The following CELA3B variants were observed in gnomAD, a reference collection of about 807,000 sequenced individuals.
The protein encoded by CELA3B is chymotrypsin like elastase 3B.
In CELA3B, 34 loss-of-function variants were observed where a neutral mutation model predicts 37.2. That is an observed-to-expected ratio of 0.91 (90% CI 0.70 to 1.22). The LOEUF is 1.22. CELA3B is among the 50% of genes most tolerant of loss of function. CELA3B has a pLI of 0.00. For synonymous variants in CELA3B, 127 were observed against 143.5 expected (o/e 0.89, Z 0.82); for missense variants, 340 against 363.1 (o/e 0.94, Z 0.52).
intron 3 of CELA3B, 28 bp from the exon 4 acceptor site, chr1:21,981,010 C>T (rs372368557): frequency 7.4e-6 from 12 of 1,614,084 alleles, no homozygotes; most frequent in South Asian, 1.1e-5. Context: ...GCCAGTCAGG[C>T]CCAGACTGAC....
chr1:21,982,789 T>C (rs984071383), intron 4 of CELA3B, among the ~76,000 whole-genome samples: 4 of 151,994 alleles, frequency 2.6e-5, no homozygotes, highest in Non-Finnish European at 5.9e-5. Context: ...ACCATTCTCC[T>C]GCCTCGGCCT....
chr1:21,978,304 A>G (rs1569832330), intron 1 of CELA3B, 65 bp from the exon 2 acceptor site: 6 of 1,586,364 alleles, frequency 3.8e-6, no homozygotes, highest in Non-Finnish European at 5.2e-6. Context: ...TTGGACTGGG[A>G]CCCTGGCCTC....
chr1:21,989,806 T>A (rs1442743793), downstream of CELA3B, among the ~76,000 whole-genome samples: 2 of 150,794 alleles, frequency 1.3e-5, no homozygotes, highest in Non-Finnish European at 2.9e-5. Flanking sequence ...TATTCCTTGT[T>A]TTAAAGGAGG....
chr1:21,982,647 T>C (rs1443325806), intron 4 of CELA3B, among the ~76,000 whole-genome samples: 1 of 151,936 alleles, frequency 6.6e-6, no homozygotes, highest in Non-Finnish European at 1.5e-5. Context: ...GCATCAGAAA[T>C]TGGGGTGGGA....
intron 2 of CELA3B, among the ~76,000 whole-genome samples, chr1:21,978,866 G>A (rs1644786916): frequency 6.6e-6 from 1 of 151,736 alleles, no homozygotes; most frequent in Admixed American, 6.6e-5. Context: ...GGCTGGACTT[G>A]ATGTGCTGTG....
chr1:21,978,540 T>C (rs1644785334), intron 2 of CELA3B, 86 bp downstream of exon 2: 1 of 1,483,556 alleles, frequency 6.7e-7, no homozygotes, highest in Non-Finnish European at 9.4e-7. Flanking sequence ...TTGACACCAT[T>C]GCTCCCTTTG....
At chr1:21,994,387 CCT>C (rs1644880786) in intron 4 of CELA3B, among the ~76,000 whole-genome samples, 1 of 151,098 alleles carries the variant, frequency 6.6e-6, no homozygotes, top group African/African-American at 2.5e-5. Context: ...ACCAGCATCT[CCT>C]CTCTCTGTCC....
chr1:21,981,760 C>T (rs1644806326), intron 4 of CELA3B, among the ~76,000 whole-genome samples: 1 of 149,900 alleles, frequency 6.7e-6, no homozygotes, highest in Admixed American at 6.7e-5. Context: ...CAGTCTCGCT[C>T]TGTCGCCCAG....
In CELA3B at chr1:21,995,673, C is replaced by T. The variant is rs565310472; in HGVS notation, c.505-2478C>T. Among the ~76,000 whole-genome samples, 3 of 150,124 alleles carry T rather than the reference C, an allele frequency of 2.0e-5. 1 individual carries two copies. Among genetic ancestry groups the T allele is most frequent in the South Asian group, 4.2e-4 (2 of 4,746 alleles). On this transcript the variant is annotated intron_variant, in intron 4 of 4. Transcript: ENST00000400277. ...CTCTATTTTTAGATTGGTGTAAAAG[C>T]GTAATTGCAGTTTTTGCCATCACTT...
Position 21,978,381 on chromosome 1 carries a change from G to C in CELA3B, c.56G>C (p.Gly19Ala). 1 of 1,614,064 alleles carries C rather than the reference G, an allele frequency of 6.2e-7. No homozygotes were observed. The highest frequency in any genetic ancestry group is 8.5e-7 in the Non-Finnish European group (1 of 1,179,932). ...LLLVAVASGYGPPSSRPSSRV... is the reference protein window; with the variant it reads ...LLLVAVASGYAPPSSRPSSRV... ...CTCTCCCCTCTAGCCTCAGGCTATG[G>C]CCCACCTTCCTCTCGCCCTTCCAGC... is the stretch of plus-strand genomic sequence containing the variant. The change falls in exon 2 of 8, where the codon GGC becomes GCC. Residue 19 changes from glycine (G) to alanine (A), a missense_variant. Gly to Ala is a moderately conservative substitution (Grantham distance 60, BLOSUM62 0). Coordinates refer to ENST00000337107, the MANE Select transcript of CELA3B (RefSeq NM_007352.4).
intron 6 of CELA3B, among the ~76,000 whole-genome samples, chr1:21,985,453 T>A (rs1156888361): frequency 6.6e-6 from 1 of 152,014 alleles, no homozygotes; most frequent in African/African-American, 2.4e-5. Flanking sequence ...AATTTTAAAA[T>A]TTTTTGTAGA....
rs375651755 is a variant in CELA3B at position 21,983,678 on chromosome 1, G to A, written c.363-16G>A. The A allele has an allele frequency of 2.5e-6, 4 of 1,612,350 alleles. No homozygotes were observed. In the African/African-American group the frequency reaches 5.3e-5, roughly 22 times the overall value. ...GGCTGGAGGACCAGGCCCCGTGACT[G>A]TTCCCTCCTCCCCAGCAATGACATC... On this transcript the variant is annotated splice_polypyrimidine_tract_variant and intron_variant, in intron 4 of 7. Transcript: ENST00000337107.
chr1:21,985,075 T>A (rs1313411752), intron 6 of CELA3B, among the ~76,000 whole-genome samples: 1 of 151,710 alleles, frequency 6.6e-6, no homozygotes, highest in African/African-American at 2.4e-5. Flanking sequence ...AGGCTAGGAG[T>A]TTGAGACCAG....
chr1:21,983,779 A>C lies in CELA3B; in HGVS notation c.448A>C (p.Ile150Leu). ...CGCCTCACTCCCTCCGGCTGGTGACATCCTTCCCAACGAGACACCCTGCTA... is the reference window on the plus strand; with the variant it reads ...CGCCTCACTCCCTCCGGCTGGTGACCTCCTTCCCAACGAGACACCCTGCTA... ...QLASLPPAGD[I>L]LPNETPCYIT... The change falls in exon 5 of 8, where the codon ATC becomes CTC. Residue 150 changes from isoleucine to leucine, a missense_variant. Ile to Leu is a conservative substitution (Grantham distance 5, BLOSUM62 2). Coordinates refer to ENST00000337107, the MANE Select transcript of CELA3B (RefSeq NM_007352.4). The C allele has an allele frequency of 6.2e-7, 1 of 1,614,096 alleles. No homozygotes were observed. The highest frequency in any genetic ancestry group is 2.2e-5 in the East Asian group (1 of 44,878).
chr1:21,996,187 T>C (rs1217928237), intron 4 of CELA3B, among the ~76,000 whole-genome samples: 2 of 151,248 alleles, frequency 1.3e-5, no homozygotes, highest in African/African-American at 4.9e-5. Context: ...TACTCCAGCC[T>C]GAGCGACAGC....
chr1:21,980,934 C>T lies in CELA3B; in HGVS notation c.227+13C>T. ...GCCACTGCATCTCGTGAGTTCTCTA[C>T]CCTGTCCCTGCCTGTGGCCCCGGGC... On this transcript the variant is annotated intron_variant, in intron 3 of 7. Transcript: ENST00000337107. 1 of 1,614,004 alleles carries T rather than the reference C, an allele frequency of 6.2e-7. No individual in the cohort carries two copies. Among genetic ancestry groups the T allele is most frequent in the East Asian group, 2.2e-5 (1 of 44,852 alleles).
Position 21,997,690 on chromosome 1 carries a change from C to CA in CELA3B, c.505-446dup, listed in dbSNP as rs35751810. On this transcript the variant is annotated intron_variant, in intron 4 of 4. Coordinates refer to the CELA3B transcript ENST00000400277. ...GGGGACAAGAGTGAGACTTCGTCTC[C>CA]AAAAAAAAAAAAAAATTATGATCTT... 1.2e-3 allele frequency among the ~76,000 whole-genome samples: 158 copies of CA among 131,880 alleles called. 3 individuals are homozygous for CA. The highest frequency in any genetic ancestry group is 2.8e-3 in the Admixed American group (37 of 13,252). The allele number at this position is 131,880 out of a possible 152,430, so 86.5% of individuals were successfully genotyped here.
intron 7 of CELA3B, among the ~76,000 whole-genome samples, chr1:21,989,057 C>A (rs928180440): frequency 6.6e-6 from 1 of 151,830 alleles, no homozygotes; most frequent in African/African-American, 2.4e-5. Context: ...TAGAGAGAAC[C>A]TTAGTTAACA....
intron 5 of CELA3B, among the ~76,000 whole-genome samples, 165 bp downstream of exon 5, chr1:21,983,995 T>C (rs1644822328): frequency 6.6e-6 from 1 of 152,190 alleles, no homozygotes; most frequent in Non-Finnish European, 1.5e-5. Flanking sequence ...TGTGGTCAAT[T>C]GCACATGTTT....
Sources: gnomAD v4.1 joint callset for allele counts (sites outside exome capture counted in the v4.1 genomes callset) on GRCh38, gnomAD v4.1.1 for gene constraint, MANE v1.5 for transcripts, NCBI Gene and HGNC (gene_info 2026-07-23, HGNC 2026-07-21) for gene names.